Variants in SEMA3E observed in about 807,000 individuals in gnomAD.
SEMA3E encodes semaphorin 3E, also known as semaphorin-3E.
In SEMA3E, 49 loss-of-function variants were observed where a neutral mutation model predicts 93.6. The observed-to-expected ratio is 0.52, with a 90% CI of 0.42 to 0.66. SEMA3E has a LOEUF of 0.66. Ranked by LOEUF, SEMA3E falls within the 30% of genes least tolerant of loss-of-function variation. The pLI, the probability that SEMA3E is intolerant of heterozygous loss-of-function variation, is 0.00. For missense variants in SEMA3E, 906 were observed against 964.8 expected (o/e 0.94, Z 0.81); for synonymous variants, 363 against 330.7 (o/e 1.10, Z -1.06).
intron 16 of SEMA3E, among the ~76,000 whole-genome samples, chr7:83,380,411 T>C (rs780077115): frequency 3.3e-5 from 5 of 151,984 alleles, no homozygotes; most frequent in Non-Finnish European, 7.4e-5. Flanking sequence ...GTTGTTCTCA[T>C]TGGCTTAGAG....
intron 15 of SEMA3E, among the ~76,000 whole-genome samples, chr7:83,386,208 C>T (rs1216709332): frequency 6.6e-6 from 1 of 152,078 alleles, no homozygotes; most frequent in African/African-American, 2.4e-5. Context: ...TTCCCAGAGG[C>T]TTGAGTCCTC....
At chr7:83,639,003 T>C (rs919632117) in intron 1 of SEMA3E, among the ~76,000 whole-genome samples, 5 of 148,114 alleles carry the variant, frequency 3.4e-5, no homozygotes, top group African/African-American at 7.5e-5. Flanking sequence ...CCCAGCTACT[T>C]GGGAGGCTGA....
Position 83,514,791 on chromosome 7 carries a change from A to G in SEMA3E, c.116-24517T>C, listed in dbSNP as rs149834330. On this transcript the variant is annotated intron_variant, in intron 1 of 16. Transcript: ENST00000643230. ...ACTAGACATTCTGTAACAAATTATA[A>G]TTAAATGGAAATATATTGCTTTCAC... Among the ~76,000 whole-genome samples, 92 of 152,282 alleles carry G rather than the reference A, an allele frequency of 6.0e-4. 2 individuals are homozygous for G. The East Asian group carries it at 0.014, about 24-fold the overall frequency.
intron 1 of SEMA3E, among the ~76,000 whole-genome samples, chr7:83,535,484 G>T (rs1371433720): frequency 6.6e-6 from 1 of 151,292 alleles, no homozygotes; most frequent in African/African-American, 2.4e-5. Flanking sequence ...AATATGTTTT[G>T]CTTAGGTAAT....
At chr7:83,611,722 C>A (rs1032188371) in intron 1 of SEMA3E, among the ~76,000 whole-genome samples, 2 of 152,020 alleles carry the variant, frequency 1.3e-5, no homozygotes, top group Non-Finnish European at 2.9e-5. Context: ...CTCATTCAAG[C>A]AACCATCATG....
chr7:83,625,207 G>A (rs996937602), intron 1 of SEMA3E, among the ~76,000 whole-genome samples: 1 of 152,038 alleles, frequency 6.6e-6, no homozygotes. Context: ...TGGCTATATG[G>A]GCTCTTTTTG....
intron 1 of SEMA3E, among the ~76,000 whole-genome samples, chr7:83,595,987 T>C (rs771590030): frequency 3.3e-5 from 5 of 152,162 alleles, no homozygotes; most frequent in African/African-American, 4.8e-5. Flanking sequence ...CAGCAGTTAG[T>C]ACTGTGACAT....
chr7:83,632,523 C>T (rs1283680747), intron 1 of SEMA3E, among the ~76,000 whole-genome samples: 2 of 152,134 alleles, frequency 1.3e-5, no homozygotes, highest in Non-Finnish European at 2.9e-5. Context: ...CCTGCACAAA[C>T]TCTGTCTTTG....
chr7:83,553,083 C>CTTGCT (rs113418949), intron 1 of SEMA3E, among the ~76,000 whole-genome samples: 9,033 of 152,184 alleles, frequency 0.059, 729 homozygotes, highest in African/African-American at 0.19. Flanking sequence ...TTAATAAAAA[C>CTTGCT]TTGCTGGCTT....
At chr7:83,629,319 A>G (rs1793738991) in intron 1 of SEMA3E, among the ~76,000 whole-genome samples, 1 of 152,166 alleles carries the variant, frequency 6.6e-6, no homozygotes, top group Admixed American at 6.5e-5. Context: ...TCTATCCCTT[A>G]GCAGAGCTCA....
At chr7:83,430,461 A>C (rs957124677) in intron 4 of SEMA3E, among the ~76,000 whole-genome samples, 1 of 152,080 alleles carries the variant, frequency 6.6e-6, no homozygotes, top group African/African-American at 2.4e-5. Flanking sequence ...AAAAAAAAAG[A>C]AAAGCCCAGA....
intron 1 of SEMA3E, among the ~76,000 whole-genome samples, chr7:83,603,787 A>G (rs967799353): frequency 6.6e-6 from 1 of 152,148 alleles, no homozygotes; most frequent in Non-Finnish European, 1.5e-5. Context: ...CTTCTAAAAT[A>G]TTGTTTCAAA....
chr7:83,405,338 T>C (rs974502010), intron 9 of SEMA3E, 112 bp downstream of exon 9: 7 of 763,276 alleles, frequency 9.2e-6, no homozygotes, highest in East Asian at 2.6e-5. Flanking sequence ...GTGTAGAAAA[T>C]GAGAAGAGCA....
intron 2 of SEMA3E, among the ~76,000 whole-genome samples, chr7:83,481,844 T>G (rs1790151974): frequency 1.3e-5 from 2 of 152,334 alleles, no homozygotes; most frequent in South Asian, 4.1e-4. Context: ...ATTATTCTTA[T>G]AAGTGTGCAT....
chr7:83,634,925 A>T (rs569033395), intron 1 of SEMA3E, among the ~76,000 whole-genome samples: 8 of 152,178 alleles, frequency 5.3e-5, no homozygotes, highest in African/African-American at 1.9e-4. Context: ...ATAACATTTG[A>T]CTTTGAAAAA....
intron 1 of SEMA3E, among the ~76,000 whole-genome samples, chr7:83,519,127 C>T (rs1023978715): frequency 1.3e-5 from 2 of 151,910 alleles, no homozygotes; most frequent in African/African-American, 2.4e-5. Context: ...CCCGCTACCC[C>T]CACCCCACAA....
At chr7:83,606,174 C>G (rs1793113318) in intron 1 of SEMA3E, among the ~76,000 whole-genome samples, 1 of 152,310 alleles carries the variant, frequency 6.6e-6, no homozygotes, top group Admixed American at 6.5e-5. Context: ...GGATGCATTT[C>G]AAGCTGCAAA....
At chr7:83,645,928 TCTC>T (rs938789695) in intron 1 of SEMA3E, among the ~76,000 whole-genome samples, 14 of 152,160 alleles carry the variant, frequency 9.2e-5, no homozygotes, top group Admixed American at 8.5e-4. Flanking sequence ...TGATAAACTT[TCTC>T]CTCCTCCTTG....
chr7:83,481,507 T>C (rs954297116), intron 2 of SEMA3E, among the ~76,000 whole-genome samples: 6 of 152,166 alleles, frequency 3.9e-5, no homozygotes, highest in African/African-American at 1.4e-4. Flanking sequence ...TAGAGTAAAA[T>C]GCAAAAACTA....
Sources: gnomAD v4.1 joint callset for allele counts (sites outside exome capture counted in the v4.1 genomes callset) on GRCh38, gnomAD v4.1.1 for gene constraint, MANE v1.5 for transcripts, NCBI Gene and HGNC (gene_info 2026-07-23, HGNC 2026-07-21) for gene names.